Variants in DOCK5 observed in about 807,000 individuals in gnomAD.
The protein encoded by DOCK5 is dedicator of cytokinesis 5, also known as dedicator of cytokinesis protein 5.
DOCK5 carries 142 observed loss-of-function variants against 251.8 expected under a neutral mutation model. That is an observed-to-expected ratio of 0.56 (90% CI 0.49 to 0.65). The LOEUF is 0.65. Among genes scored for constraint, DOCK5 ranks in the 30% least tolerant of loss-of-function variants. The pLI is 0.00. For synonymous variants in DOCK5, 842 were observed against 835.5 expected (o/e 1.01, Z -0.13); for missense variants, 2,111 against 2,312.3 (o/e 0.91, Z 1.79).
chr8:25,325,175 A>C (rs1166686743), intron 17 of DOCK5, among the ~76,000 whole-genome samples, 189 bp from the exon 18 acceptor site: 1 of 152,166 alleles, frequency 6.6e-6, no homozygotes, highest in Non-Finnish European at 1.5e-5. Context: ...GTTTCCATTC[A>C]ATCATGAAAT....
intron 26 of DOCK5, among the ~76,000 whole-genome samples, chr8:25,346,197 C>T (rs1800364247): frequency 6.6e-6 from 1 of 151,724 alleles, no homozygotes; most frequent in South Asian, 2.1e-4. Context: ...CATGGTGGCT[C>T]AGGCCTGTAA....
At chr8:25,387,104 C>G (rs1022484579) in intron 40 of DOCK5, among the ~76,000 whole-genome samples, 1 of 152,148 alleles carries the variant, frequency 6.6e-6, no homozygotes, top group Non-Finnish European at 1.5e-5. Flanking sequence ...ACATCATCCT[C>G]TCCTTCCAAC....
Position 25,377,195 on chromosome 8 carries a change from A to G in DOCK5, c.3817-110A>G, listed in dbSNP as rs188837849. ...TATATGTAACTTTTGTGTTTAATAC[A>G]TAATCTAAAATACAAAATCAATGAG... is the stretch of plus-strand genomic sequence containing the variant. On this transcript the variant is annotated intron_variant, in intron 37 of 51. Transcript: ENST00000276440. 5,339 of 1,387,480 alleles carry G rather than the reference A, an allele frequency of 3.8e-3. 14 individuals are homozygous for G. The highest frequency in any genetic ancestry group is 3.7e-3 in the Non-Finnish European group (3,936 of 1,056,266). The allele number at this position is 1,387,480 out of a possible 1,614,324, so 85.9% of individuals were successfully genotyped here.
intron 44 of DOCK5, among the ~76,000 whole-genome samples, chr8:25,394,409 T>C (rs1801310817): frequency 1.3e-5 from 2 of 152,082 alleles, no homozygotes; most frequent in Admixed American, 6.6e-5. Flanking sequence ...ACTCTCTGAA[T>C]CTGTACTGTG....
At chr8:25,356,322 T>C (rs1175247586) in intron 27 of DOCK5, among the ~76,000 whole-genome samples, 1 of 152,232 alleles carries the variant, frequency 6.6e-6, no homozygotes. Flanking sequence ...TTTCATTACC[T>C]TTCTAAAGGG....
In DOCK5 at chr8:25,342,486, A is replaced by T; in HGVS notation, c.2596A>T (p.Ser866Cys). The T allele has an allele frequency of 6.3e-7, 1 of 1,593,130 alleles. No homozygotes were observed. The highest frequency in any genetic ancestry group is 8.6e-7 in the Non-Finnish European group (1 of 1,168,152). ...TAACTGCATGACCAAGATAGTAGAGAGCACTCTTTTTCGACAGTCAGGTAA... is the reference window on the plus strand; with the variant it reads ...TAACTGCATGACCAAGATAGTAGAGTGCACTCTTTTTCGACAGTCAGGTAA... ...KLNCMTKIVESTLFRQSECRE... is the reference protein window; with the variant it reads ...KLNCMTKIVECTLFRQSECRE... The change falls in exon 25 of 52, where the codon AGC (serine) becomes TGC (cysteine). Residue 866 changes from serine (S) to cysteine (C), a missense_variant. Ser to Cys is a moderately radical substitution (Grantham distance 112, BLOSUM62 -1). Around this residue, in one of 3 missense-constraint regions of DOCK5, gnomAD observed 1,717 missense variants for 1,892.4 expected, o/e 0.91. Coordinates refer to ENST00000276440, the MANE Select transcript of DOCK5 (RefSeq NM_024940.8).
intron 7 of DOCK5, among the ~76,000 whole-genome samples, chr8:25,297,623 A>G (rs887428136): frequency 2.0e-5 from 3 of 152,100 alleles, no homozygotes; most frequent in African/African-American, 7.2e-5. Context: ...TCCTGACCTC[A>G]GGTGATCCAC....
intron 45 of DOCK5, among the ~76,000 whole-genome samples, chr8:25,398,234 G>A (rs1801380053): frequency 6.6e-6 from 1 of 152,052 alleles, no homozygotes; most frequent in Non-Finnish European, 1.5e-5. Context: ...AAACAAAATT[G>A]TTACAACTTT....
At chr8:25,302,231 A>T in intron 9 of DOCK5, 94 bp from the exon 10 acceptor site, 1 of 1,452,616 alleles carries the variant, frequency 6.9e-7, no homozygotes, top group East Asian at 2.4e-5. Flanking sequence ...ATAAGGTCGG[A>T]ACAGGATTTT....
chr8:25,411,028 A>G (rs534709472), intron 51 of DOCK5, among the ~76,000 whole-genome samples, 166 bp from the exon 52 acceptor site: 263 of 145,990 alleles, frequency 1.8e-3, no homozygotes, highest in African/African-American at 6.6e-3. Context: ...GCTCATGGGA[A>G]ACAAGGAGGA....
At chr8:25,205,233 C>T (rs34810318) in intron 1 of DOCK5, among the ~76,000 whole-genome samples, 93,331 of 151,566 alleles carry the variant, frequency 0.62, 31,885 homozygotes, top group Non-Finnish European at 0.76. Flanking sequence ...CCCTCTCTCT[C>T]GCTCTTGCTG....
chr8:25,234,882 A>G (rs2117527371), intron 1 of DOCK5, among the ~76,000 whole-genome samples: 1 of 152,272 alleles, frequency 6.6e-6, no homozygotes, highest in African/African-American at 2.4e-5. Flanking sequence ...ATTGAGGCTG[A>G]TTTGTTCTTG....
chr8:25,300,690 T>A, intron 9 of DOCK5, 33 bp downstream of exon 9: 1 of 1,580,220 alleles, frequency 6.3e-7, no homozygotes. Flanking sequence ...TCATTCTCTT[T>A]GTTTGTGATA....
intron 1 of DOCK5, among the ~76,000 whole-genome samples, chr8:25,191,166 G>T (rs190935895): frequency 1.5e-5 from 2 of 129,900 alleles, no homozygotes; most frequent in Non-Finnish European, 3.2e-5. Context: ...CGTTCAGAAT[G>T]GGGGGGGTCC....
intron 40 of DOCK5, among the ~76,000 whole-genome samples, chr8:25,386,419 AC>A (rs1222076657): frequency 1.3e-5 from 2 of 152,010 alleles, no homozygotes; most frequent in Non-Finnish European, 1.5e-5. Flanking sequence ...TCATAGCATG[AC>A]CCCGTCTCTA....
chr8:25,311,057 CTTG>C (rs965684515), intron 13 of DOCK5, among the ~76,000 whole-genome samples: 2 of 152,110 alleles, frequency 1.3e-5, no homozygotes, highest in African/African-American at 4.8e-5. Context: ...TCTCCCTGTT[CTTG>C]TTGTGACAAG....
intron 7 of DOCK5, 117 bp downstream of exon 7, chr8:25,296,765 T>C: frequency 2.3e-6 from 3 of 1,329,144 alleles, no homozygotes; most frequent in Non-Finnish European, 2.0e-6. Flanking sequence ...TCGTCCTCAT[T>C]TTAAAAGTGA....
In DOCK5 at chr8:25,266,329, C is replaced by A. The variant is rs374969338; in HGVS notation, c.128-2516C>A. 4.0e-3 allele frequency among the ~76,000 whole-genome samples: 612 copies of A among 151,768 alleles called. 29 individuals carry two copies. Among genetic ancestry groups the A allele is most frequent in the African/African-American group, 0.014 (587 of 41,140 alleles). On this transcript the variant is annotated intron_variant, in intron 2 of 51. Transcript: ENST00000276440. ...CTCCTGGGTTCACCCCATTCTCCTG[C>A]CTCAGCCTCCCTAGTAGCTGGGACT...
At chr8:25,288,105 C>T (rs986571246) in intron 5 of DOCK5, among the ~76,000 whole-genome samples, 7 of 151,976 alleles carry the variant, frequency 4.6e-5, no homozygotes, top group South Asian at 2.1e-4. Context: ...AGGCTGGTCT[C>T]GAACTCCTGA....
Sources: allele counts gnomAD v4.1 joint callset (sites outside exome capture counted in the v4.1 genomes callset), GRCh38; gene constraint gnomAD v4.1.1; regional missense constraint gnomAD v4.1.1; transcripts MANE v1.5; gene names NCBI Gene and HGNC (gene_info 2026-07-23, HGNC 2026-07-21).